Variants in RBPMS observed in about 807,000 individuals in gnomAD.
RBPMS encodes RNA-binding protein with multiple splicing.
RBPMS carries 7 observed loss-of-function variants against 26.8 expected under a neutral mutation model. The ratio of observed to expected loss-of-function variants is 0.26; its 90% CI spans 0.15 to 0.49. RBPMS has a LOEUF of 0.49. Ranked by LOEUF, RBPMS falls within the 20% of genes least tolerant of loss-of-function variation. The probability of loss-of-function intolerance (pLI) is 0.98; values close to 1 mark genes in which losing one functional copy is unlikely to be tolerated. For synonymous variants in RBPMS, 96 were observed against 93.3 expected (o/e 1.03, Z -0.17); for missense variants, 186 against 250.0 (o/e 0.74, Z 1.73).
intron 1 of RBPMS, among the ~76,000 whole-genome samples, chr8:30,408,304 G>C (rs893390696): frequency 2.0e-5 from 3 of 152,144 alleles, no homozygotes; most frequent in Non-Finnish European, 4.4e-5. Context: ...TGAGGCAGGC[G>C]GATCACCTGA....
rs566416871 is a variant in RBPMS at position 30,428,148 on chromosome 8, C to T, written c.66+42990C>T. Among the ~76,000 whole-genome samples, 5 of 151,736 alleles carry T rather than the reference C, an allele frequency of 3.3e-5. No homozygotes were observed. In the South Asian group the frequency reaches 6.3e-4, roughly 19 times the overall value. On this transcript the variant is annotated intron_variant, in intron 1 of 8. Coordinates refer to ENST00000397323, the MANE Select transcript of RBPMS (RefSeq NM_001008710.3). ...AAGCAATTCTCCTGCCTCAGCCTCC[C>T]GAGTAGCTGGGACTACAGGTGCACA...
At position 30,530,276 on chromosome 8, in the gene RBPMS, G is replaced by T. The variant is rs998588145; in HGVS notation, c.398-14218G>T. Among the ~76,000 whole-genome samples, 12 of 152,296 alleles carry T rather than the reference G, an allele frequency of 7.9e-5. 1 individual carries two copies. The highest frequency in any genetic ancestry group is 4.4e-5 in the Non-Finnish European group (3 of 68,020). On this transcript the variant is annotated intron_variant, in intron 5 of 8. Coordinates refer to ENST00000397323, the MANE Select transcript of RBPMS (RefSeq NM_001008710.3). ...CTTGGGCATCACACCATGTTGCAGA[G>T]AACTGGTAGCCTCAGTATTGAGAGT...
At chr8:30,429,522 C>A (rs1811704487) in intron 1 of RBPMS, among the ~76,000 whole-genome samples, 1 of 152,218 alleles carries the variant, frequency 6.6e-6, no homozygotes, top group Non-Finnish European at 1.5e-5. Context: ...GATTGATATA[C>A]ATGCCCCCAA....
At chr8:30,489,172 G>A (rs1027850979) in intron 4 of RBPMS, among the ~76,000 whole-genome samples, 1 of 151,530 alleles carries the variant, frequency 6.6e-6, no homozygotes, top group Non-Finnish European at 1.5e-5. Context: ...TCAGCCTCCC[G>A]AATAGCTGGG....
At position 30,504,642 on chromosome 8, in the gene RBPMS, T is replaced by C. The variant is rs528271848; in HGVS notation, c.397+206T>C. On this transcript the variant is annotated intron_variant, in intron 5 of 8. Coordinates refer to ENST00000397323, the MANE Select transcript of RBPMS (RefSeq NM_001008710.3). ...TTCCCAAAAGATGGTTCAGCTTGAA[T>C]AGAACCATAACTTCAGAATATCATT... is the stretch of plus-strand genomic sequence containing the variant. 5.3e-5 allele frequency among the ~76,000 whole-genome samples: 8 copies of C among 152,322 alleles called. No homozygotes were observed. The East Asian group carries it at 1.5e-3, about 29-fold the overall frequency.
chr8:30,430,954 A>G (rs990715922), intron 1 of RBPMS, among the ~76,000 whole-genome samples: 1 of 152,210 alleles, frequency 6.6e-6, no homozygotes, highest in African/African-American at 2.4e-5. Context: ...TGAAAAGTGA[A>G]AGCAGATGAT....
At chr8:30,417,394 T>C (rs1415387513) in intron 1 of RBPMS, among the ~76,000 whole-genome samples, 3 of 152,318 alleles carry the variant, frequency 2.0e-5, no homozygotes, top group East Asian at 3.9e-4. Context: ...GTGGTTGAAA[T>C]CAACGTGGAG....
At chr8:30,533,346 T>C (rs60136969) in intron 5 of RBPMS, among the ~76,000 whole-genome samples, 39,128 of 152,012 alleles carry the variant, frequency 0.26, 5,292 homozygotes, top group East Asian at 0.4. Flanking sequence ...TTTCCAGAAG[T>C]GGGGTTTTGT....
chr8:30,525,607 A>AT (rs1334643078), intron 5 of RBPMS, among the ~76,000 whole-genome samples: 4 of 152,310 alleles, frequency 2.6e-5, no homozygotes, highest in East Asian at 1.9e-4. Flanking sequence ...CCATAAGAAC[A>AT]TTTTTTTGCA....
At chr8:30,550,459 G>T (rs1826262155) in intron 6 of RBPMS, among the ~76,000 whole-genome samples, 1 of 152,146 alleles carries the variant, frequency 6.6e-6, no homozygotes, top group Non-Finnish European at 1.5e-5. Context: ...CTTTTAAGGG[G>T]CACTTGAATT....
intron 1 of RBPMS, among the ~76,000 whole-genome samples, chr8:30,472,863 C>T (rs995821788): frequency 4.6e-5 from 7 of 152,104 alleles, no homozygotes; most frequent in Non-Finnish European, 8.8e-5. Flanking sequence ...ATCTCTTGAG[C>T]TCAGGAGTTT....
At chr8:30,484,419 GA>G (rs1563363323) in intron 4 of RBPMS, among the ~76,000 whole-genome samples, 2 of 152,100 alleles carry the variant, frequency 1.3e-5, no homozygotes, top group Non-Finnish European at 2.9e-5. Flanking sequence ...ACAGAAGGGG[GA>G]AAAACTCAAC....
intron 4 of RBPMS, among the ~76,000 whole-genome samples, chr8:30,489,487 G>A (rs897027163): frequency 6.6e-6 from 1 of 151,786 alleles, no homozygotes. Context: ...AGACAGTCTC[G>A]CTCTGTCGCC....
chr8:30,460,945 G>C (rs1349396927), intron 1 of RBPMS, among the ~76,000 whole-genome samples: 5 of 152,032 alleles, frequency 3.3e-5, no homozygotes, highest in Non-Finnish European at 7.4e-5. Flanking sequence ...CAGCCACTTG[G>C]GAAGCTGAGG....
At chr8:30,547,128 G>A (rs561463702) in intron 6 of RBPMS, among the ~76,000 whole-genome samples, 1 of 152,362 alleles carries the variant, frequency 6.6e-6, no homozygotes, top group Admixed American at 6.5e-5. Flanking sequence ...TTTAGTAACT[G>A]GAGGCAGAGC....
rs922251421 is a variant in RBPMS, at chr8:30,479,302, T to C, written c.184-13T>C. 3.1e-6 allele frequency: 5 copies of C among 1,607,504 alleles called. No homozygotes were observed. In the African/African-American group the frequency reaches 6.7e-5, roughly 22 times the overall value. On this transcript the variant is annotated splice_polypyrimidine_tract_variant and intron_variant, in intron 3 of 8. Transcript: ENST00000397323. ...TGATTTTTTTTCTTCATATTTCTCT[T>C]TTTTTTTCTCAGCCTGTAGGTTTTG...
At chr8:30,453,975 A>G (rs1814912821) in intron 1 of RBPMS, among the ~76,000 whole-genome samples, 1 of 152,206 alleles carries the variant, frequency 6.6e-6, no homozygotes, top group Non-Finnish European at 1.5e-5. Context: ...AATTTCTGGG[A>G]GGGATCTCCA....
intron 2 of RBPMS, among the ~76,000 whole-genome samples, chr8:30,476,392 G>C (rs572483692): frequency 5.3e-5 from 8 of 152,328 alleles, no homozygotes; most frequent in African/African-American, 1.9e-4. Flanking sequence ...ATATCCAGTT[G>C]TCCTTTGCCT....
At chr8:30,503,388 A>T (rs1349797869) in intron 4 of RBPMS, among the ~76,000 whole-genome samples, 1 of 151,196 alleles carries the variant, frequency 6.6e-6, no homozygotes, top group African/African-American at 2.4e-5. Context: ...ACTAACTGGG[A>T]TTACAGGTGC....
Sources: allele counts gnomAD v4.1 joint callset (sites outside exome capture counted in the v4.1 genomes callset), GRCh38; gene constraint gnomAD v4.1.1; transcripts MANE v1.5; gene names NCBI Gene and HGNC (gene_info 2026-07-23, HGNC 2026-07-21).